RFX3: variants seen among roughly 807,000 people sequenced by gnomAD.
RFX3 encodes transcription factor RFX3.
A neutral mutation model predicts 98.6 loss-of-function variants in RFX3; 14 were observed. The observed-to-expected ratio is 0.14, with a 90% CI of 0.09 to 0.22. RFX3 has a LOEUF of 0.22. RFX3 is among the 10% of genes least tolerant of loss of function. The pLI is 1.00. For synonymous variants in RFX3, 383 were observed against 328.4 expected (o/e 1.17, Z -1.80); for missense variants, 639 against 926.9 (o/e 0.69, Z 4.03).
In RFX3 at chr9:3,220,207, C is replaced by T. The variant is rs1228912403; in HGVS notation, c.*4835G>A. ...ACAATATTTTATGAGCGATCTAACT[C>T]CAAATAGCCTAACTGCCCCCAAAGA... On this transcript the variant is annotated 3_prime_UTR_variant, in exon 17 of 17. Coordinates refer to ENST00000617270, the MANE Select transcript of RFX3 (RefSeq NM_001282116.2). 1 of 152,156 alleles carries T rather than the reference C, an allele frequency of 6.6e-6. No individual in the cohort carries two copies. Among genetic ancestry groups the T allele is most frequent in the South Asian group, 2.1e-4 (1 of 4,828 alleles). The allele number at this position is 152,156 out of a possible 1,614,324, so 9.4% of individuals were successfully genotyped here.
intron 5 of RFX3, among the ~76,000 whole-genome samples, chr9:3,294,006 G>A (rs1827700546): frequency 6.6e-6 from 1 of 152,026 alleles, no homozygotes; most frequent in African/African-American, 2.4e-5. Flanking sequence ...TTCAGTCTAT[G>A]TTCACATTCT....
intron 4 of RFX3, among the ~76,000 whole-genome samples, chr9:3,314,064 T>A (rs1018522039): frequency 2.6e-5 from 4 of 152,062 alleles, no homozygotes; most frequent in African/African-American, 9.7e-5. Context: ...CCAAGACACA[T>A]AATTGTCAGA....
intron 2 of RFX3, among the ~76,000 whole-genome samples, chr9:3,386,928 T>C (rs1285540499): frequency 6.6e-6 from 1 of 152,166 alleles, no homozygotes; most frequent in Admixed American, 6.6e-5. Flanking sequence ...GTATCACAAA[T>C]GAGTCATCTG....
rs1466232424 is a variant in RFX3 at position 3,504,903 on chromosome 9, TATATATATATA to T, written c.-9+20833_-9+20843del. 6.0e-3 allele frequency among the ~76,000 whole-genome samples: 316 copies of T among 52,968 alleles called. 21 individuals carry two copies. Among genetic ancestry groups the T allele is most frequent in the African/African-American group, 0.034 (307 of 8,908 alleles). 34.7% of individuals were successfully genotyped at this position (52,968 alleles called of 152,430 possible). On this transcript the variant is annotated intron_variant, in intron 1 of 16. Coordinates refer to ENST00000617270, the MANE Select transcript of RFX3 (RefSeq NM_001282116.2). ...ATTATATATAATATAACATATATTA[TATATATATATA>T]ATATAACATATATTATATATAATAT...
chr9:3,366,146 A>G (rs978212370), intron 2 of RFX3, among the ~76,000 whole-genome samples: 5 of 152,080 alleles, frequency 3.3e-5, no homozygotes, highest in Non-Finnish European at 2.9e-5. Context: ...CAAATAATAC[A>G]TGGTACTGTT....
At chr9:3,294,031 T>C (rs1827704940) in intron 5 of RFX3, among the ~76,000 whole-genome samples, 1 of 152,216 alleles carries the variant, frequency 6.6e-6, no homozygotes, top group African/African-American at 2.4e-5. Context: ...TTTTATGTTA[T>C]CCTGTGTACA....
At chr9:3,375,616 T>A (rs547211212) in intron 2 of RFX3, among the ~76,000 whole-genome samples, 35 of 152,226 alleles carry the variant, frequency 2.3e-4, no homozygotes, top group South Asian at 1.0e-3. Context: ...AAGTTACAAT[T>A]TTAAAAGGTT....
chr9:3,407,951 G>T (rs1402303911), intron 1 of RFX3, among the ~76,000 whole-genome samples: 1 of 152,102 alleles, frequency 6.6e-6, no homozygotes, highest in Admixed American at 6.6e-5. Flanking sequence ...AAATCAATGT[G>T]CCACAGTGAT....
Position 3,301,724 on chromosome 9 carries a change from C to T in RFX3, c.475-104G>A, listed in dbSNP as rs79623412. The T allele has an allele frequency of 8.3e-4, 635 of 766,668 alleles. 3 individuals carry two copies. Among genetic ancestry groups the T allele is most frequent in the African/African-American group, 8.2e-3 (475 of 58,218 alleles). The allele number at this position is 766,668 out of a possible 1,614,324, so 47.5% of individuals were successfully genotyped here. A position where few individuals can be genotyped will look rare whatever the true frequency, so the allele number is the denominator to read the frequency against. Reference sequence around the variant, plus strand: ...CTTTAAAGTCCAACTTCTTCCTCAACGGTCGTTAATGAACAGTTGCCACTT... The same window carrying T: ...CTTTAAAGTCCAACTTCTTCCTCAATGGTCGTTAATGAACAGTTGCCACTT... On this transcript the variant is annotated intron_variant, in intron 4 of 16. Coordinates refer to ENST00000617270, the MANE Select transcript of RFX3 (RefSeq NM_001282116.2).
At chr9:3,497,608 A>G (rs1851205532) in intron 1 of RFX3, among the ~76,000 whole-genome samples, 1 of 151,908 alleles carries the variant, frequency 6.6e-6, no homozygotes, top group South Asian at 2.1e-4. Context: ...GTATAAAAAT[A>G]TCTCAATGGG....
At chr9:3,318,712 GA>G (rs1410824714) in intron 4 of RFX3, among the ~76,000 whole-genome samples, 2 of 151,862 alleles carry the variant, frequency 1.3e-5, no homozygotes, top group Non-Finnish European at 2.9e-5. Context: ...GACGTCTAGA[GA>G]AAAAAATTAA....
At chr9:3,390,981 T>C (rs1840254583) in intron 2 of RFX3, among the ~76,000 whole-genome samples, 1 of 152,198 alleles carries the variant, frequency 6.6e-6, no homozygotes, top group Non-Finnish European at 1.5e-5. Context: ...TAATATTGAA[T>C]GCCTCAAAAT....
intron 1 of RFX3, among the ~76,000 whole-genome samples, chr9:3,468,039 G>C (rs543775215): frequency 6.6e-6 from 1 of 152,118 alleles, no homozygotes; most frequent in Non-Finnish European, 1.5e-5. Flanking sequence ...CTGACCAAAA[G>C]AAACTACCAA....
intron 15 of RFX3, 142 bp downstream of exon 15, chr9:3,247,890 C>G (rs981381216): frequency 3.7e-6 from 6 of 1,609,230 alleles, no homozygotes; most frequent in Non-Finnish European, 5.1e-6. Flanking sequence ...GGAACTCTTG[C>G]AATAACTCCA....
At chr9:3,286,783 T>C (rs963823436) in intron 7 of RFX3, among the ~76,000 whole-genome samples, 1 of 151,880 alleles carries the variant, frequency 6.6e-6, no homozygotes, top group Non-Finnish European at 1.5e-5. Context: ...ACCTCCTTGA[T>C]TCTCCTTCTG....
intron 2 of RFX3, among the ~76,000 whole-genome samples, chr9:3,394,094 T>G (rs16917918): frequency 0.32 from 48,360 of 152,014 alleles, 8,711 homozygotes; most frequent in East Asian, 0.6. Context: ...AATAAACTGG[T>G]AGCTTGAGGG....
At chr9:3,391,428 A>T (rs934994332) in intron 2 of RFX3, among the ~76,000 whole-genome samples, 3 of 152,200 alleles carry the variant, frequency 2.0e-5, no homozygotes, top group Non-Finnish European at 4.4e-5. Context: ...ACAACAAAAA[A>T]CTGCGTGAAA....
intron 2 of RFX3, among the ~76,000 whole-genome samples, chr9:3,386,543 CCAA>C (rs750635681): frequency 2.6e-5 from 4 of 152,056 alleles, no homozygotes; most frequent in African/African-American, 4.8e-5. Context: ...TTTATGCCTT[CCAA>C]CAATAAAGCC....
At chr9:3,351,500 A>G (rs531949745) in intron 2 of RFX3, among the ~76,000 whole-genome samples, 1 of 152,136 alleles carries the variant, frequency 6.6e-6, no homozygotes, top group South Asian at 2.1e-4. Context: ...CAACAAAGAC[A>G]GTTTAGGACA....
Sources: gnomAD v4.1 joint callset for allele counts (sites outside exome capture counted in the v4.1 genomes callset) on GRCh38, gnomAD v4.1.1 for gene constraint, MANE v1.5 for transcripts, NCBI Gene and HGNC (gene_info 2026-07-23, HGNC 2026-07-21) for gene names.